TFAP2B: variants seen among roughly 807,000 people sequenced by gnomAD.
TFAP2B encodes transcription factor AP-2-beta.
In TFAP2B, 9 loss-of-function variants were observed where a neutral mutation model predicts 44.3. That is an observed-to-expected ratio of 0.20 (90% confidence interval 0.12 to 0.35). TFAP2B has a LOEUF of 0.35. Ranked by LOEUF, TFAP2B falls within the 10% of genes least tolerant of loss-of-function variation. TFAP2B has a pLI of 1.00. For synonymous variants in TFAP2B, 270 were observed against 263.8 expected (o/e 1.02, Z -0.23); for missense variants, 509 against 600.0 (o/e 0.85, Z 1.59).
intron 3 of TFAP2B, among the ~76,000 whole-genome samples, chr6:50,832,908 T>C (rs897261990): frequency 3.3e-5 from 5 of 152,236 alleles, no homozygotes; most frequent in Non-Finnish European, 7.3e-5. Context: ...GATCTGTTTT[T>C]AGCCTTTTTT....
rs1187253126 is a variant in TFAP2B at position 50,823,739 on chromosome 6, G to A, written c.414G>A (p.Arg138=). The A allele has an allele frequency of 3.3e-5, 53 of 1,610,886 alleles. No individual in the cohort carries two copies. Among genetic ancestry groups the A allele is most frequent in the Non-Finnish European group, 4.2e-5 (50 of 1,178,616 alleles). Residue 138 remains arginine, a synonymous_variant, in exon 2 of 7, where the codon CGG becomes CGA. Coordinates refer to ENST00000393655, the MANE Select transcript of TFAP2B (RefSeq NM_003221.4). The part of the protein sequence containing the change: ...ALPQLSGLDP[R]RDYHSVRRPD... Reference sequence around the variant, plus strand: ...CCCAGCTCTCGGGCCTTGACCCCCGGAGGGACTACCACTCGGTCCGCCGGC... The same window carrying A: ...CCCAGCTCTCGGGCCTTGACCCCCGAAGGGACTACCACTCGGTCCGCCGGC...
At chr6:50,830,723 G>T (rs1581818600) in intron 3 of TFAP2B, among the ~76,000 whole-genome samples, 1 of 152,128 alleles carries the variant, frequency 6.6e-6, no homozygotes, top group African/African-American at 2.4e-5. Context: ...AGAATACGAG[G>T]TTGATTTACT....
At chr6:50,824,404 T>C (rs2113931168) in intron 2 of TFAP2B, among the ~76,000 whole-genome samples, 1 of 152,348 alleles carries the variant, frequency 6.6e-6, no homozygotes, top group East Asian at 1.9e-4. Flanking sequence ...GCTCTGATCA[T>C]CTAAGCCAGG....
intron 3 of TFAP2B, among the ~76,000 whole-genome samples, chr6:50,829,915 G>A (rs561237411): frequency 1.3e-5 from 2 of 152,092 alleles, no homozygotes; most frequent in African/African-American, 4.8e-5. Context: ...AAGGTTTGGG[G>A]CATAACTATT....
rs1462450486 is a variant in TFAP2B, at chr6:50,844,853, CT to C, written c.*1464del. The C allele has an allele frequency of 1.3e-5, 2 of 152,186 alleles. No individual in the cohort carries two copies. Among genetic ancestry groups the C allele is most frequent in the Admixed American group, 6.5e-5 (1 of 15,284 alleles). The allele number at this position is 152,186 out of a possible 1,614,324, so 9.4% of individuals were successfully genotyped here. ...GTAACAATTGCTTTCTTACAAGATG[CT>C]TTATGAATGAGGCATTTTTCCCTCC... is the stretch of plus-strand genomic sequence containing the variant. On this transcript the variant is annotated 3_prime_UTR_variant, in exon 7 of 7. Transcript: ENST00000393655.
chr6:50,836,373 C>A, intron 4 of TFAP2B, 93 bp downstream of exon 4: 2 of 1,149,656 alleles, frequency 1.7e-6, no homozygotes, highest in Non-Finnish European at 2.5e-6. Flanking sequence ...AAGGTTCCAG[C>A]AAAACCCAAT....
intron 3 of TFAP2B, among the ~76,000 whole-genome samples, chr6:50,829,425 T>C (rs1172603933): frequency 1.3e-5 from 2 of 152,228 alleles, no homozygotes; most frequent in Non-Finnish European, 2.9e-5. Context: ...TTTTTTCTGC[T>C]TTTCTCTGAC....
chr6:50,825,815 C>G (rs576446629), intron 2 of TFAP2B, among the ~76,000 whole-genome samples: 1 of 152,264 alleles, frequency 6.6e-6, no homozygotes, highest in East Asian at 1.9e-4. Context: ...CCTGCTTTAT[C>G]TCATTTCGTC....
At chr6:50,828,727 A>G (rs760771381) in intron 3 of TFAP2B, 48 bp downstream of exon 3, 2 of 1,595,276 alleles carry the variant, frequency 1.3e-6, no homozygotes, top group Admixed American at 3.3e-5. Context: ...CTCATGCATT[A>G]ACGTCTTTAT....
intron 3 of TFAP2B, among the ~76,000 whole-genome samples, chr6:50,832,023 A>G (rs1176814031): frequency 6.6e-6 from 1 of 152,332 alleles, no homozygotes; most frequent in East Asian, 1.9e-4. Context: ...CATGGGAAAT[A>G]AAGAAATTGC....
At chr6:50,839,216 C>T (rs1340654882) in intron 5 of TFAP2B, among the ~76,000 whole-genome samples, 1 of 152,100 alleles carries the variant, frequency 6.6e-6, no homozygotes, top group Non-Finnish European at 1.5e-5. Flanking sequence ...ACAGGGATTT[C>T]AGGGGAGAAG....
At position 50,818,979 on chromosome 6, in the gene TFAP2B, C is replaced by T. The variant is rs775800824; in HGVS notation, c.81+7C>T. 5.0e-6 allele frequency: 8 copies of T among 1,613,376 alleles called. No homozygotes were observed. The Admixed American group carries it at 5.0e-5, about 10-fold the overall frequency. On this transcript the variant is annotated splice_region_variant and intron_variant, in intron 1 of 6. Transcript: ENST00000393655. ...GTACGAAGATATCTATGAGGTGAGT[C>T]GACACCCCCAGATGCACCTTAGAGC...
Position 50,819,109 on chromosome 6 carries a change from T to C in TFAP2B, c.81+137T>C, listed in dbSNP as rs945310973. ...GGTTTTCTCAGCTTTTTTTAACTTT[T>C]AGAAAAGCTGGCTAGGGAAGACTTC... is the stretch of plus-strand genomic sequence containing the variant. On this transcript the variant is annotated intron_variant, in intron 1 of 6. Coordinates refer to ENST00000393655, the MANE Select transcript of TFAP2B (RefSeq NM_003221.4). 9.0e-5 allele frequency: 77 copies of C among 855,042 alleles called. No individual in the cohort carries two copies. The East Asian group carries it at 2.0e-3, about 23-fold the overall frequency. The allele number at this position is 855,042 out of a possible 1,614,324, so 53.0% of individuals were successfully genotyped here.
chr6:50,842,836 G>A (rs557364419), intron 6 of TFAP2B, among the ~76,000 whole-genome samples: 16 of 152,342 alleles, frequency 1.1e-4, no homozygotes, highest in Admixed American at 9.8e-4. Flanking sequence ...CTGGAATGGA[G>A]GGGAGAAAGG....
chr6:50,838,017 A>G lies in TFAP2B; in HGVS notation c.864A>G (p.Leu288=), dbSNP rs749594082. 9 of 1,614,110 alleles carry G rather than the reference A, an allele frequency of 5.6e-6. No homozygotes were observed. In the East Asian group the frequency reaches 2.0e-4, roughly 36 times the overall value. ...GGGGGAGATCTTTGCGAGAAAGGCT[A>G]GAAAAAATCGGTTTGAATTTACCCG... ...KNGGRSLRER[L]EKIGLNLPAG... is the part of the protein sequence containing the mutation. The change falls in exon 5 of 7, where the codon CTA becomes CTG. Residue 288 remains leucine, a synonymous_variant. Transcript: ENST00000393655.
chr6:50,834,823 G>A (rs913873596), intron 3 of TFAP2B, among the ~76,000 whole-genome samples: 1 of 152,174 alleles, frequency 6.6e-6, no homozygotes, highest in Non-Finnish European at 1.5e-5. Context: ...TTTTTGGACT[G>A]GTGATCGACA....
At chr6:50,836,312 C>T (rs1385030240) in intron 4 of TFAP2B, 32 bp downstream of exon 4, 2 of 1,574,988 alleles carry the variant, frequency 1.3e-6, no homozygotes, top group Non-Finnish European at 1.7e-6. Flanking sequence ...AAAACAAAAA[C>T]AAAAAAACAA....
intron 6 of TFAP2B, 145 bp downstream of exon 6, chr6:50,840,442 C>A: frequency 9.9e-7 from 1 of 1,009,394 alleles, no homozygotes; most frequent in African/African-American, 1.6e-5. Flanking sequence ...GCAAGGTAGG[C>A]AGAGTTGATG....
chr6:50,841,171 C>T (rs920377567), intron 6 of TFAP2B, among the ~76,000 whole-genome samples: 1 of 152,248 alleles, frequency 6.6e-6, no homozygotes, highest in Non-Finnish European at 1.5e-5. Flanking sequence ...TAATTGCTTA[C>T]AGACCCTGGT....
Sources: allele counts gnomAD v4.1 joint callset (sites outside exome capture counted in the v4.1 genomes callset), GRCh38; gene constraint gnomAD v4.1.1; transcripts MANE v1.5; gene names NCBI Gene and HGNC (gene_info 2026-07-23, HGNC 2026-07-21).